MEGF6: variants seen among roughly 807,000 people sequenced by gnomAD.
MEGF6 encodes multiple epidermal growth factor-like domains protein 6.
In MEGF6, 184 loss-of-function variants were observed where a neutral mutation model predicts 207.1. The ratio of observed to expected loss-of-function variants is 0.89; its 90% CI spans 0.79 to 1.00. The LOEUF (loss-of-function observed/expected upper bound fraction) is 1.00, where lower values mean the gene tolerates loss of function less well. Among genes scored for constraint, MEGF6 ranks in the 50% least tolerant of loss-of-function variants. The pLI is 0.00. For synonymous variants in MEGF6, 1,038 were observed against 910.0 expected (o/e 1.14, Z -2.53); for missense variants, 2,282 against 2,202.9 (o/e 1.04, Z -0.72).
chr1:3,507,042 G>A (rs1237871511), intron 14 of MEGF6, among the ~76,000 whole-genome samples: 1 of 152,192 alleles, frequency 6.6e-6, no homozygotes, highest in Non-Finnish European at 1.5e-5. Context: ...GAATAGAAAG[G>A]GCAGACAAAG....
intron 7 of MEGF6, among the ~76,000 whole-genome samples, chr1:3,512,444 G>T (rs1305404420): frequency 2.6e-5 from 4 of 152,222 alleles, no homozygotes; most frequent in African/African-American, 4.8e-5. Context: ...CATCCGGCGG[G>T]GGCCTGATGA....
intron 4 of MEGF6, chr1:3,530,986 GCC>G (rs1356836211): frequency 2.9e-6 from 4 of 1,379,788 alleles, no homozygotes; most frequent in South Asian, 1.6e-5. Context: ...AGCAGGCAGC[GCC>G]CTGGCGCAAA....
Position 3,565,987 on chromosome 1 carries a change from G to A in MEGF6, c.481+13838C>T, listed in dbSNP as rs948847018. 3.9e-5 allele frequency among the ~76,000 whole-genome samples: 6 copies of A among 152,196 alleles called. No homozygotes were observed. The highest frequency in any genetic ancestry group is 1.4e-4 in the African/African-American group (6 of 41,452). ...TGGACCACTGCCCTGCAGGTTCATA[G>A]AGCCCTGATCCCACCACGGTGGGTG... On this transcript the variant is annotated intron_variant, in intron 4 of 36. Transcript: ENST00000356575. This position sits in a 1 kb window ranked among gnomAD's most constrained non-coding sequence, Gnocchi z 4.8.
intron 4 of MEGF6, among the ~76,000 whole-genome samples, chr1:3,536,711 G>C (rs764808876): frequency 1.3e-5 from 2 of 152,176 alleles, no homozygotes; most frequent in Non-Finnish European, 2.9e-5. Flanking sequence ...AGCCCCCAGC[G>C]GCTGGCTCCA....
chr1:3,599,243 T>A (rs924684042), intron 2 of MEGF6, among the ~76,000 whole-genome samples: 1 of 152,242 alleles, frequency 6.6e-6, no homozygotes, highest in African/African-American at 2.4e-5. Context: ...GTTCCCACCC[T>A]ACTGGGTCTC....
intron 4 of MEGF6, among the ~76,000 whole-genome samples, chr1:3,535,674 G>A (rs1037666509): frequency 1.3e-5 from 2 of 149,966 alleles, no homozygotes; most frequent in Admixed American, 1.3e-4. Flanking sequence ...GCCCCCCAGC[G>A]GCCCTGGGTC....
intron 1 of MEGF6, among the ~76,000 whole-genome samples, chr1:3,605,927 C>T (rs1295058218): frequency 6.6e-6 from 1 of 152,232 alleles, no homozygotes; most frequent in Non-Finnish European, 1.5e-5. Flanking sequence ...CACGGTGGCA[C>T]CCCCGTGCTT....
chr1:3,560,426 T>TCTGTGCTCC lies in MEGF6; in HGVS notation c.481+19398_481+19399insGGAGCACAG, dbSNP rs1643165353. Among the ~76,000 whole-genome samples the TCTGTGCTCC allele has an allele frequency of 1.3e-5, 2 of 152,190 alleles. No homozygotes were observed. Among genetic ancestry groups the TCTGTGCTCC allele is most frequent in the African/African-American group, 4.8e-5 (2 of 41,448 alleles). On this transcript the variant is annotated intron_variant, in intron 4 of 36. Coordinates refer to ENST00000356575, the MANE Select transcript of MEGF6 (RefSeq NM_001409.4). The surrounding 1 kb of genome is among the most constrained non-coding windows in gnomAD (Gnocchi z 4.0). ...TTGTAAGATCACGCAGAGGAGTTCCTGCCCTAAAAATCCTCTGTGCTCCGC... is the reference window on the plus strand; with the variant it reads ...TTGTAAGATCACGCAGAGGAGTTCCTCTGTGCTCCGCCCTAAAAATCCTCTGTGCTCCGC...
In MEGF6 at chr1:3,565,837, C is replaced by T. The variant is rs1643328937; in HGVS notation, c.481+13988G>A. 6.6e-6 allele frequency among the ~76,000 whole-genome samples: 1 copy of T among 152,176 alleles called. No homozygotes were observed. Among genetic ancestry groups the T allele is most frequent in the African/African-American group, 2.4e-5 (1 of 41,432 alleles). ...CCAACTCTGCTCCAGCCACGCTCGGCATTCCGTCCAGGGCAGGCACTGTGG... is the reference window on the plus strand; with the variant it reads ...CCAACTCTGCTCCAGCCACGCTCGGTATTCCGTCCAGGGCAGGCACTGTGG... On this transcript the variant is annotated intron_variant, in intron 4 of 36. Coordinates refer to ENST00000356575, the MANE Select transcript of MEGF6 (RefSeq NM_001409.4). This position sits in a 1 kb window ranked among gnomAD's most constrained non-coding sequence, Gnocchi z 4.8.
chr1:3,585,364 G>A (rs368057647), intron 3 of MEGF6, among the ~76,000 whole-genome samples: 10 of 149,056 alleles, frequency 6.7e-5, no homozygotes, highest in African/African-American at 1.2e-4. Context: ...GAGGACACAC[G>A]TCCTGTGTGT....
upstream of MEGF6, among the ~76,000 whole-genome samples, chr1:3,612,639 C>A (rs1444355307): frequency 6.6e-6 from 1 of 152,208 alleles, no homozygotes; most frequent in Non-Finnish European, 1.5e-5. Context: ...AGCTCAGCCA[C>A]TGAAGCCTGG....
chr1:3,557,356 C>G lies in MEGF6; in HGVS notation c.481+22469G>C, dbSNP rs1643065941. 1.3e-5 allele frequency among the ~76,000 whole-genome samples: 2 copies of G among 152,234 alleles called. 1 individual carries two copies. The highest frequency in any genetic ancestry group is 1.3e-4 in the Admixed American group (2 of 15,284). On this transcript the variant is annotated intron_variant, in intron 4 of 36. Coordinates refer to ENST00000356575, the MANE Select transcript of MEGF6 (RefSeq NM_001409.4). Reference sequence around the variant, plus strand: ...TGAAAAACAAACAGAACGCAGCTTCCCCCGCAGAGCTCTGCAGGCTGCTCC... The same window carrying G: ...TGAAAAACAAACAGAACGCAGCTTCGCCCGCAGAGCTCTGCAGGCTGCTCC...
At chr1:3,519,028 G>C (rs1426518272) in intron 5 of MEGF6, among the ~76,000 whole-genome samples, 4 of 152,228 alleles carry the variant, frequency 2.6e-5, no homozygotes, top group African/African-American at 9.6e-5. Context: ...CAACAACACA[G>C]AGCACCAGGC....
chr1:3,505,167 C>T, intron 17 of MEGF6, 41 bp downstream of exon 17: 1 of 1,602,376 alleles, frequency 6.2e-7, no homozygotes, highest in East Asian at 2.2e-5. Flanking sequence ...GCCTACACCC[C>T]ACAATGAGAC....
intron 4 of MEGF6, among the ~76,000 whole-genome samples, chr1:3,526,629 C>T (rs111335026): frequency 0.15 from 23,338 of 152,080 alleles, 1,986 homozygotes; most frequent in East Asian, 0.35. Flanking sequence ...CAACTCCTGA[C>T]CTCAGGTGAT....
At chr1:3,531,800 T>C (rs949890500) in intron 4 of MEGF6, among the ~76,000 whole-genome samples, 2 of 139,490 alleles carry the variant, frequency 1.4e-5, no homozygotes, top group Non-Finnish European at 3.1e-5. Context: ...GGAGCCGTCC[T>C]GGCCGGGCCG....
Position 3,580,072 on chromosome 1 carries a change from G to A in MEGF6, c.377-143C>T. The A allele has an allele frequency of 5.1e-6, 3 of 583,824 alleles. No homozygotes were observed. The South Asian group carries it at 7.6e-5, about 15-fold the overall frequency. 36.2% of individuals were successfully genotyped at this position (583,824 alleles called of 1,614,324 possible). A position where few individuals can be genotyped will look rare whatever the true frequency, so the allele number is the denominator to read the frequency against. On this transcript the variant is annotated intron_variant, in intron 3 of 36. Transcript: ENST00000356575. ...TTCTCTCTGTCCTAGGTCACACATT[G>A]CCCGGCCACCAATGGAGGCTGGCGT...
chr1:3,498,644 G>A lies in MEGF6; in HGVS notation c.3223+54C>T, dbSNP rs111490078. ...TGGGAGCCCTCCTAGGCCTGCAGGC[G>A]GGGCTGCACCAAGCATGCTGGGGTA... On this transcript the variant is annotated intron_variant, in intron 25 of 36. Transcript: ENST00000356575. 185 of 1,509,362 alleles carry A rather than the reference G, an allele frequency of 1.2e-4. 2 individuals carry two copies. The highest frequency in any genetic ancestry group is 1.2e-3 in the African/African-American group (88 of 72,816). 93.5% of individuals were successfully genotyped at this position (1,509,362 alleles called of 1,614,324 possible). A position where few individuals can be genotyped will look rare whatever the true frequency, so the allele number is the denominator to read the frequency against.
At chr1:3,553,929 C>A (rs754170200) in intron 4 of MEGF6, among the ~76,000 whole-genome samples, 1 of 152,200 alleles carries the variant, frequency 6.6e-6, no homozygotes. Flanking sequence ...GTGGGTGGCA[C>A]GGCTGGGGCC....
Sources: allele counts gnomAD v4.1 joint callset (sites outside exome capture counted in the v4.1 genomes callset), GRCh38; gene constraint gnomAD v4.1.1; non-coding constraint Gnocchi (gnomAD v3.1); transcripts MANE v1.5; gene names NCBI Gene and HGNC (gene_info 2026-07-23, HGNC 2026-07-21).